Variants in PCDH15 observed in about 807,000 individuals in gnomAD.
The protein encoded by PCDH15 is protocadherin related 15.
A neutral mutation model predicts 178.5 loss-of-function variants in PCDH15; 129 were observed. The ratio of observed to expected loss-of-function variants is 0.72; its 90% CI spans 0.63 to 0.84. The LOEUF (loss-of-function observed/expected upper bound fraction) is 0.84. Among genes scored for constraint, PCDH15 ranks in the 40% least tolerant of loss-of-function variants. PCDH15 has a pLI of 0.00. For missense variants in PCDH15, 2,230 were observed against 2,099.9 expected (o/e 1.06, Z -1.21); for synonymous variants, 800 against 732.0 (o/e 1.09, Z -1.50).
In PCDH15 at chr10:54,316,910, T is replaced by G. The variant is rs11004225; in HGVS notation, c.876+361A>C. ...GCCAAAAATGTATCCTATTGACCTG[T>G]GTGTCCTCTGACTTACGACTGCATG... On this transcript the variant is annotated intron_variant, in intron 8 of 37. Transcript: ENST00000644397. 0.25 allele frequency among the ~76,000 whole-genome samples: 38,595 copies of G among 152,102 alleles called. 6,271 individuals carry two copies. The highest frequency in any genetic ancestry group is 0.37 in the Middle Eastern group (110 of 294).
At chr10:54,480,662 C>A (rs955904614) in intron 3 of PCDH15, among the ~76,000 whole-genome samples, 1 of 151,878 alleles carries the variant, frequency 6.6e-6, no homozygotes, top group African/African-American at 2.4e-5. Flanking sequence ...TTGTATTTAT[C>A]CCCATTATTA....
chr10:55,488,620 AT>A (rs1192303483), intron 2 of PCDH15, among the ~76,000 whole-genome samples: 5 of 151,468 alleles, frequency 3.3e-5, no homozygotes, highest in Non-Finnish European at 7.4e-5. Context: ...CCCAATTTGA[AT>A]TTTTTTCCTA....
At chr10:55,223,085 G>A (rs1840931117) in intron 1 of PCDH15, among the ~76,000 whole-genome samples, 1 of 151,986 alleles carries the variant, frequency 6.6e-6, no homozygotes, top group African/African-American at 2.4e-5. Context: ...GTTATTCAAT[G>A]GCCCCATCAG....
intron 2 of PCDH15, among the ~76,000 whole-genome samples, chr10:54,610,863 C>CA (rs145958892): frequency 0.03 from 4,530 of 151,864 alleles, 215 homozygotes; most frequent in African/African-American, 0.1. Flanking sequence ...TACCCTGGAA[C>CA]AATGCATCTA....
intron 37 of PCDH15, chr10:53,808,570 A>C: frequency 6.9e-7 from 1 of 1,457,256 alleles, no homozygotes; most frequent in Non-Finnish European, 9.0e-7. Flanking sequence ...GCTTCTGATC[A>C]TAAGTCATAT....
intron 2 of PCDH15, among the ~76,000 whole-genome samples, chr10:55,514,893 T>C (rs1840973103): frequency 6.6e-6 from 1 of 151,522 alleles, no homozygotes; most frequent in South Asian, 2.1e-4. Flanking sequence ...CTAGCTTAGG[T>C]GGACAATAGG....
chr10:54,163,715 A>G (rs1205749836), intron 13 of PCDH15, among the ~76,000 whole-genome samples: 1 of 152,144 alleles, frequency 6.6e-6, no homozygotes, highest in African/African-American at 2.4e-5. Flanking sequence ...GCTTTTAGGC[A>G]AACATATTAA....
rs1050351884 is a variant in PCDH15, at chr10:54,562,005, T to C, written c.92-34128A>G. Among the ~76,000 whole-genome samples the C allele has an allele frequency of 1.2e-4, 15 of 126,916 alleles. No homozygotes were observed. The East Asian group carries it at 2.4e-3, about 21-fold the overall frequency. 83.3% of individuals were successfully genotyped at this position (126,916 alleles called of 152,430 possible). A position where few individuals can be genotyped will look rare whatever the true frequency, so the allele number is the denominator to read the frequency against. ...CTTTTTTTTTTTTTTTTTTTTTTTT[T>C]CCTGAGATTGTATCTCCCTCTATTG... On this transcript the variant is annotated intron_variant, in intron 2 of 37. Coordinates refer to ENST00000644397, the MANE Select transcript of PCDH15 (RefSeq NM_001384140.1).
chr10:54,659,561 A>G (rs1331266267), intron 2 of PCDH15, among the ~76,000 whole-genome samples: 2 of 151,830 alleles, frequency 1.3e-5, no homozygotes, highest in Admixed American at 6.6e-5. Flanking sequence ...AAGACCCACA[A>G]GGCCAACATG....
At chr10:54,632,323 G>T (rs946735385) in intron 2 of PCDH15, among the ~76,000 whole-genome samples, 1 of 152,020 alleles carries the variant, frequency 6.6e-6, no homozygotes, top group African/African-American at 2.4e-5. Flanking sequence ...AAAAATACCT[G>T]CTAGGTACTA....
chr10:54,217,072 A>G (rs1248717267), intron 9 of PCDH15, among the ~76,000 whole-genome samples: 2 of 152,194 alleles, frequency 1.3e-5, no homozygotes, highest in Admixed American at 6.5e-5. Flanking sequence ...TCGAAGATAG[A>G]CTGTAACATA....
At chr10:54,589,657 C>CT (rs1338925033) in intron 2 of PCDH15, among the ~76,000 whole-genome samples, 3 of 152,008 alleles carry the variant, frequency 2.0e-5, no homozygotes, top group African/African-American at 7.2e-5. Flanking sequence ...AGCAACCATT[C>CT]TTTTTTTATT....
chr10:54,522,087 CAAAAAAAAAAAAA>C (rs11313978), intron 3 of PCDH15, among the ~76,000 whole-genome samples: 12 of 58,896 alleles, frequency 2.0e-4, no homozygotes, highest in African/African-American at 7.6e-4. Context: ...GAATCCATCT[CAAAAAAAAAAAAA>C]AAAAAAAAAA....
In PCDH15 at chr10:55,518,302, C is replaced by T. The variant is rs955328984; in HGVS notation, c.-156+109323G>A. ...GCAATAGTAGCTTACTGATTAAAAT[C>T]TATCCTTGCTACTTTAACTCATGTC... is the stretch of plus-strand genomic sequence containing the variant. On this transcript the variant is annotated intron_variant, in intron 2 of 5. Transcript: ENST00000613346. Among the ~76,000 whole-genome samples, 13 of 152,214 alleles carry T rather than the reference C, an allele frequency of 8.5e-5. No homozygotes were observed. In the South Asian group the frequency reaches 2.5e-3, roughly 29 times the overall value.
rs552687123 is a variant in PCDH15 at position 54,311,378 on chromosome 10, T to C, written c.876+5893A>G. 2.6e-5 allele frequency among the ~76,000 whole-genome samples: 4 copies of C among 152,206 alleles called. No individual in the cohort carries two copies. The East Asian group carries it at 5.8e-4, about 22-fold the overall frequency. ...CACATAAATGTATGCTACTGTTCAA[T>C]TGAAAAAAATGCATAAGGATTTATC... On this transcript the variant is annotated intron_variant, in intron 8 of 37. Transcript: ENST00000644397.
At chr10:55,012,827 A>C (rs1302843225) in intron 2 of PCDH15, among the ~76,000 whole-genome samples, 2 of 152,154 alleles carry the variant, frequency 1.3e-5, no homozygotes, top group African/African-American at 4.8e-5. Flanking sequence ...CCTTAAAAAA[A>C]GGTACCATAA....
At chr10:53,932,376 A>G (rs1390824513) in intron 25 of PCDH15, among the ~76,000 whole-genome samples, 2 of 152,232 alleles carry the variant, frequency 1.3e-5, no homozygotes, top group Non-Finnish European at 2.9e-5. Context: ...ATAGAAGCAC[A>G]GACCTTTCTA....
At chr10:54,752,491 AC>A (rs1250769884) in intron 1 of PCDH15, among the ~76,000 whole-genome samples, 7,124 of 89,166 alleles carry the variant, frequency 0.08, 1,189 homozygotes, top group African/African-American at 0.097. Context: ...AAAAAAAAAA[AC>A]AAAAAACAAA....
At chr10:53,858,743 C>T (rs560223228) in intron 27 of PCDH15, among the ~76,000 whole-genome samples, 104 of 152,178 alleles carry the variant, frequency 6.8e-4, no homozygotes, top group Middle Eastern at 3.4e-3. Flanking sequence ...ACTAAATTTC[C>T]CTTCAACATG....
Sources: gnomAD v4.1 joint callset for allele counts (sites outside exome capture counted in the v4.1 genomes callset) on GRCh38, gnomAD v4.1.1 for gene constraint, MANE v1.5 for transcripts, NCBI Gene and HGNC (gene_info 2026-07-23, HGNC 2026-07-21) for gene names.